The following KLRG1 variants were observed in gnomAD, a reference collection of about 807,000 sequenced individuals.
KLRG1 encodes killer cell lectin-like receptor subfamily G member 1.
In KLRG1, 16 loss-of-function variants were observed where a neutral mutation model predicts 21.8. The ratio of observed to expected loss-of-function variants is 0.73; its 90% CI spans 0.50 to 1.11. The LOEUF (loss-of-function observed/expected upper bound fraction) is 1.11. Ranked by LOEUF, KLRG1 falls within the 50% of genes most tolerant of loss-of-function variation. The probability of loss-of-function intolerance (pLI) is 0.00; values close to 1 mark genes in which losing one functional copy is unlikely to be tolerated. For synonymous variants in KLRG1, 69 were observed against 75.9 expected (o/e 0.91, Z 0.47); for missense variants, 173 against 218.3 (o/e 0.79, Z 1.31).
At chr12:9,029,492 C>T in the KLRG1 span, among the ~76,000 whole-genome samples, 13 of 152,004 alleles carry the variant, frequency 8.6e-5, no homozygotes, top group Non-Finnish European at 1.3e-4. Flanking sequence ...CTGGGATCCA[C>T]GGCCCCTGGC....
chr12:9,130,418 G>A, the KLRG1 span, among the ~76,000 whole-genome samples: 77 of 151,902 alleles, frequency 5.1e-4, 2 homozygotes, highest in South Asian at 0.011. Context: ...CACCAACTGC[G>A]CACAAGGGTT....
the KLRG1 span, chr12:9,093,640 G>C: frequency 1.7e-4 from 125 of 750,018 alleles, no homozygotes; most frequent in Non-Finnish European, 2.2e-4. Flanking sequence ...ATGAGAGAAT[G>C]TAATAGTTGC....
At chr12:9,027,943 T>G in the KLRG1 span, 1 of 913,316 alleles carries the variant, frequency 1.1e-6, no homozygotes, top group South Asian at 1.3e-5. Context: ...CTCTCTTGCT[T>G]TGACAGTGCT....
the KLRG1 span, chr12:9,161,111 T>G: frequency 6.4e-7 from 1 of 1,571,900 alleles, no homozygotes; most frequent in Non-Finnish European, 8.7e-7. Context: ...TCAGACACAT[T>G]AGCACCTTTA....
the KLRG1 span, chr12:9,101,733 T>A: frequency 7.4e-7 from 1 of 1,350,326 alleles, no homozygotes; most frequent in African/African-American, 1.5e-5. Flanking sequence ...ATTAATGTTC[T>A]CACAAAACTA....
the KLRG1 span, among the ~76,000 whole-genome samples, chr12:9,095,853 G>A: frequency 7.2e-6 from 1 of 138,368 alleles, no homozygotes; most frequent in Non-Finnish European, 1.5e-5. Flanking sequence ...TCCGCTTCCC[G>A]GGTTCACGCC....
At chr12:9,107,950 C>T in the KLRG1 span, among the ~76,000 whole-genome samples, 2 of 151,514 alleles carry the variant, frequency 1.3e-5, no homozygotes, top group African/African-American at 4.9e-5. Flanking sequence ...GAAACAATAC[C>T]AGCAAGACGA....
At chr12:9,130,576 A>T in the KLRG1 span, among the ~76,000 whole-genome samples, 1 of 152,084 alleles carries the variant, frequency 6.6e-6, no homozygotes, top group African/African-American at 2.4e-5. Context: ...TTCAATGTTT[A>T]TTAGCCATTT....
At chr12:9,192,100 T>C in the KLRG1 span, 1 of 1,075,388 alleles carries the variant, frequency 9.3e-7, no homozygotes, top group Non-Finnish European at 1.4e-6. Context: ...TGTGAAGGGA[T>C]GATGGAAACG....
chr12:9,157,742 G>A, the KLRG1 span: 1 of 1,594,772 alleles, frequency 6.3e-7, no homozygotes, highest in East Asian at 2.2e-5. Context: ...TTCATGGTAG[G>A]GAATGGGATT....
chr12:9,151,988 C>T, the KLRG1 span, among the ~76,000 whole-genome samples: 1 of 152,096 alleles, frequency 6.6e-6, no homozygotes, highest in Non-Finnish European at 1.5e-5. Flanking sequence ...GCTTTAAATT[C>T]CTGACTAAAC....
At chr12:8,965,738 A>G (rs1946459464) in intron 1 of KLRG1, among the ~76,000 whole-genome samples, 1 of 152,232 alleles carries the variant, frequency 6.6e-6, no homozygotes, top group African/African-American at 2.4e-5. Context: ...GGAAGAATCA[A>G]TATCGTGAAA....
At chr12:9,113,286 A>G in the KLRG1 span, 2 of 1,509,312 alleles carry the variant, frequency 1.3e-6, no homozygotes, top group Non-Finnish European at 1.8e-6. Flanking sequence ...CCAAAGCCTC[A>G]TCTGACAGAA....
chr12:9,146,839 A>G, the KLRG1 span, among the ~76,000 whole-genome samples: 673 of 152,332 alleles, frequency 4.4e-3, 2 homozygotes, highest in African/African-American at 0.015. Context: ...TGGACCCATC[A>G]GAACTACCTG....
At chr12:9,137,517 T>A in the KLRG1 span, among the ~76,000 whole-genome samples, 3,449 of 152,220 alleles carry the variant, frequency 0.023, 132 homozygotes, top group African/African-American at 0.077. Context: ...TGGTGTTTTC[T>A]CATTCCCTAT....
chr12:9,105,958 G>A, the KLRG1 span, among the ~76,000 whole-genome samples: 2 of 152,102 alleles, frequency 1.3e-5, no homozygotes, highest in African/African-American at 4.8e-5. Flanking sequence ...TGAGTGACTT[G>A]TACAATGCTG....
the KLRG1 span, among the ~76,000 whole-genome samples, chr12:9,057,306 T>C: frequency 6.6e-6 from 1 of 152,084 alleles, no homozygotes; most frequent in Non-Finnish European, 1.5e-5. Context: ...GGGAGCTAAA[T>C]AATTTGTACA....
chr12:9,152,835 T>C, the KLRG1 span: 1 of 1,612,468 alleles, frequency 6.2e-7, no homozygotes. Context: ...TGATGGTCAG[T>C]GAGATCTGAA....
At chr12:9,013,917 A>G (rs1947665205), downstream of KLRG1, among the ~76,000 whole-genome samples, 1 of 152,128 alleles carries the variant, frequency 6.6e-6, no homozygotes, top group African/African-American at 2.4e-5. Flanking sequence ...AATTTAACAA[A>G]AATAAGTTTG....
Sources: gnomAD v4.1 joint callset for allele counts (sites outside exome capture counted in the v4.1 genomes callset) on GRCh38, gnomAD v4.1.1 for gene constraint, MANE v1.5 for transcripts, NCBI Gene and HGNC (gene_info 2026-07-23, HGNC 2026-07-21) for gene names.